The following WWOX variants were observed in gnomAD, a reference collection of about 807,000 sequenced individuals.
The protein encoded by WWOX is WW domain-containing oxidoreductase.
WWOX carries 69 observed loss-of-function variants against 46.2 expected under a neutral mutation model. The observed-to-expected ratio is 1.49, with a 90% CI of 1.23 to 1.82. WWOX has a LOEUF of 1.82. Ranked by LOEUF, WWOX falls within the 40% of genes most tolerant of loss-of-function variation. The probability of loss-of-function intolerance (pLI) is 0.00; values close to 1 mark genes in which losing one functional copy is unlikely to be tolerated. For synonymous variants in WWOX, 359 were observed against 202.6 expected (o/e 1.77, Z -6.56); for missense variants, 919 against 542.6 (o/e 1.69, Z -6.89).
At chr16:79,197,002 A>G (rs1343733260) in intron 8 of WWOX, among the ~76,000 whole-genome samples, 2 of 152,158 alleles carry the variant, frequency 1.3e-5, no homozygotes, top group African/African-American at 2.4e-5. Flanking sequence ...GTATTAACTG[A>G]GGCAACGTTG....
intron 8 of WWOX, among the ~76,000 whole-genome samples, chr16:78,638,280 A>C (rs1234403915): frequency 2.0e-5 from 3 of 152,322 alleles, no homozygotes; most frequent in African/African-American, 7.2e-5. Flanking sequence ...CCAGGGGCAG[A>C]GTCAGGATCT....
intron 8 of WWOX, among the ~76,000 whole-genome samples, chr16:79,097,897 C>T (rs775854235): frequency 2.0e-5 from 3 of 152,090 alleles, no homozygotes; most frequent in Non-Finnish European, 2.9e-5. Flanking sequence ...AAGTTTCAAA[C>T]CACCAGGCAA....
intron 8 of WWOX, among the ~76,000 whole-genome samples, chr16:79,182,198 C>G (rs1292456605): frequency 6.6e-6 from 1 of 151,838 alleles, no homozygotes; most frequent in South Asian, 2.1e-4. Flanking sequence ...AGGTCATGCC[C>G]TGTGTCACCT....
intron 8 of WWOX, among the ~76,000 whole-genome samples, chr16:78,456,941 G>C (rs933568269): frequency 1.3e-5 from 2 of 152,220 alleles, no homozygotes; most frequent in Non-Finnish European, 2.9e-5. Context: ...TACTTGCATT[G>C]TTTGAAGAGG....
At chr16:78,284,046 T>C (rs1429062513) in intron 5 of WWOX, among the ~76,000 whole-genome samples, 1 of 152,218 alleles carries the variant, frequency 6.6e-6, no homozygotes, top group African/African-American at 2.4e-5. Flanking sequence ...TGTATCTCGT[T>C]AAAACATTTT....
chr16:78,953,129 A>T (rs1249625569), intron 8 of WWOX, among the ~76,000 whole-genome samples: 1 of 151,952 alleles, frequency 6.6e-6, no homozygotes, highest in Non-Finnish European at 1.5e-5. Flanking sequence ...ACCACTCCTG[A>T]TAATCTGACC....
intron 8 of WWOX, among the ~76,000 whole-genome samples, chr16:79,031,963 AAG>A (rs975825384): frequency 2.3e-4 from 33 of 142,066 alleles, no homozygotes; most frequent in Middle Eastern, 3.7e-3. Flanking sequence ...TATATATAGA[AAG>A]AGAGGGAACT....
At chr16:78,474,754 C>T (rs62034131) in intron 8 of WWOX, among the ~76,000 whole-genome samples, 1 of 152,120 alleles carries the variant, frequency 6.6e-6, no homozygotes, top group Non-Finnish European at 1.5e-5. Flanking sequence ...CTTCCCCAGC[C>T]TCTGCGAACC....
At chr16:78,146,707 G>A (rs34521361) in intron 4 of WWOX, among the ~76,000 whole-genome samples, 3 of 152,060 alleles carry the variant, frequency 2.0e-5, no homozygotes, top group Non-Finnish European at 2.9e-5. Flanking sequence ...CTCAGATAGC[G>A]TAAAAAGTGA....
At chr16:79,158,043 C>T (rs145057561) in intron 8 of WWOX, among the ~76,000 whole-genome samples, 13 of 152,236 alleles carry the variant, frequency 8.5e-5, no homozygotes, top group African/African-American at 2.9e-4. Flanking sequence ...GAGTTGTTTG[C>T]TGCCTCTAGG....
At chr16:78,440,465 A>G (rs527817574) in intron 8 of WWOX, among the ~76,000 whole-genome samples, 5 of 152,280 alleles carry the variant, frequency 3.3e-5, no homozygotes, top group South Asian at 4.1e-4. Flanking sequence ...AAGCTCTCCA[A>G]TATGTTCTTT....
chr16:79,210,351 G>A (rs1478735535), intron 8 of WWOX, among the ~76,000 whole-genome samples: 1 of 152,120 alleles, frequency 6.6e-6, no homozygotes, highest in Non-Finnish European at 1.5e-5. Flanking sequence ...AGGGATCCTA[G>A]AATGCAAGCA....
intron 8 of WWOX, among the ~76,000 whole-genome samples, chr16:78,950,406 G>C (rs919895575): frequency 6.6e-6 from 1 of 151,994 alleles, no homozygotes; most frequent in Non-Finnish European, 1.5e-5. Context: ...AGAGGAAGGG[G>C]CTTTTTTGCC....
At chr16:78,761,487 C>G (rs1169156575) in intron 8 of WWOX, among the ~76,000 whole-genome samples, 1 of 152,158 alleles carries the variant, frequency 6.6e-6, no homozygotes, top group Non-Finnish European at 1.5e-5. Flanking sequence ...TGGCTGAAAT[C>G]TGTAGTGGTT....
At chr16:78,972,070 C>G (rs976854939) in intron 8 of WWOX, among the ~76,000 whole-genome samples, 69 of 152,262 alleles carry the variant, frequency 4.5e-4, no homozygotes, top group African/African-American at 1.5e-3. Context: ...CGGAAGGTCT[C>G]CCCGTATACC....
intron 8 of WWOX, among the ~76,000 whole-genome samples, chr16:79,062,212 G>A (rs915226950): frequency 6.6e-5 from 10 of 152,180 alleles, no homozygotes; most frequent in Middle Eastern, 3.2e-3. Flanking sequence ...AGGAAGAAGC[G>A]TAAGTGTATC....
intron 8 of WWOX, among the ~76,000 whole-genome samples, chr16:78,625,214 T>C (rs2046284707): frequency 6.6e-6 from 1 of 152,182 alleles, no homozygotes; most frequent in Admixed American, 6.5e-5. Context: ...CAGTTCTGCG[T>C]TTAGGCTGGG....
At chr16:78,700,421 T>G (rs2048189035) in intron 8 of WWOX, among the ~76,000 whole-genome samples, 1 of 152,012 alleles carries the variant, frequency 6.6e-6, no homozygotes, top group Admixed American at 6.6e-5. Flanking sequence ...TTATTACTTC[T>G]GAGAGGCCCT....
intron 8 of WWOX, among the ~76,000 whole-genome samples, chr16:78,689,496 C>A (rs1206045707): frequency 1.8e-4 from 27 of 152,214 alleles, no homozygotes. Flanking sequence ...TGACCTTGCT[C>A]CTCTCTCCTT....
Sources: gnomAD v4.1 joint callset for allele counts (sites outside exome capture counted in the v4.1 genomes callset) on GRCh38, gnomAD v4.1.1 for gene constraint, MANE v1.5 for transcripts, NCBI Gene and HGNC (gene_info 2026-07-23, HGNC 2026-07-21) for gene names.